CPEB3: variants seen among roughly 807,000 people sequenced by gnomAD.
CPEB3 encodes cytoplasmic polyadenylation element-binding protein 3.
Under a neutral mutation model 67.2 loss-of-function variants are expected in CPEB3, and 20 were observed. The observed-to-expected ratio is 0.30, with a 90% confidence interval of 0.21 to 0.43. The LOEUF (loss-of-function observed/expected upper bound fraction) is 0.43, where lower values mean the gene tolerates loss of function less well. Ranked by LOEUF, CPEB3 falls within the 20% of genes least tolerant of loss-of-function variation. The probability of loss-of-function intolerance (pLI) is 1.00; values close to 1 mark genes in which losing one functional copy is unlikely to be tolerated. For missense variants in CPEB3, 746 were observed against 968.6 expected (o/e 0.77, Z 3.05); for synonymous variants, 376 against 393.1 (o/e 0.96, Z 0.51).
At chr10:92,123,725 C>T (rs902324559) in intron 6 of CPEB3, among the ~76,000 whole-genome samples, 6 of 152,200 alleles carry the variant, frequency 3.9e-5, no homozygotes, top group African/African-American at 1.4e-4. Context: ...ACTGCCTGAG[C>T]TTTGATAGTC....
intron 7 of CPEB3, among the ~76,000 whole-genome samples, chr10:92,101,717 G>C (rs1590139207): frequency 6.6e-6 from 1 of 152,210 alleles, no homozygotes; most frequent in African/African-American, 2.4e-5. Context: ...GACCAGCCTG[G>C]CCAACTTGGT....
intron 2 of CPEB3, among the ~76,000 whole-genome samples, chr10:92,237,288 C>T (rs1367400167): frequency 6.6e-6 from 1 of 152,184 alleles, no homozygotes; most frequent in East Asian, 1.9e-4. Flanking sequence ...ATATGTAATT[C>T]TTCCCAAGGC....
At chr10:92,274,539 G>A (rs983313879) in intron 1 of CPEB3, among the ~76,000 whole-genome samples, 1 of 152,078 alleles carries the variant, frequency 6.6e-6, no homozygotes, top group South Asian at 2.1e-4. Context: ...ACAAGTACTG[G>A]ATAACAAATG....
At chr10:92,291,216 C>T, upstream of CPEB3, 1 of 529,094 alleles carries the variant, frequency 1.9e-6, no homozygotes, top group Admixed American at 3.9e-5. Flanking sequence ...GCCCGCGGTC[C>T]ATGGACCGGA....
chr10:92,247,467 A>G (rs1852120526), intron 1 of CPEB3, among the ~76,000 whole-genome samples: 1 of 151,792 alleles, frequency 6.6e-6, no homozygotes, highest in Non-Finnish European at 1.5e-5. Context: ...GCGCGATCTC[A>G]GCTCACCATG....
At chr10:92,201,132 T>C (rs1194101039) in intron 2 of CPEB3, among the ~76,000 whole-genome samples, 1 of 152,126 alleles carries the variant, frequency 6.6e-6, no homozygotes, top group Non-Finnish European at 1.5e-5. Flanking sequence ...ATTATACAGC[T>C]TAGCAGTGTG....
At chr10:92,117,393 G>C (rs1351542870) in intron 6 of CPEB3, among the ~76,000 whole-genome samples, 3 of 135,256 alleles carry the variant, frequency 2.2e-5, no homozygotes, top group African/African-American at 8.6e-5. Flanking sequence ...GCAGTGGTGT[G>C]ATCTTGGCTC....
chr10:92,060,160 C>T (rs1280382460), intron 9 of CPEB3, among the ~76,000 whole-genome samples: 1 of 151,788 alleles, frequency 6.6e-6, no homozygotes, highest in East Asian at 1.9e-4. Context: ...AATTTGAGAC[C>T]AGCCTGGTCA....
At chr10:92,204,666 A>G (rs1265190601) in intron 2 of CPEB3, among the ~76,000 whole-genome samples, 3 of 152,204 alleles carry the variant, frequency 2.0e-5, no homozygotes, top group African/African-American at 4.8e-5. Context: ...AGTGGAAGGA[A>G]AATGGTAAAA....
At chr10:92,175,611 C>G (rs866326808) in intron 4 of CPEB3, among the ~76,000 whole-genome samples, 5 of 152,268 alleles carry the variant, frequency 3.3e-5, no homozygotes, top group African/African-American at 1.2e-4. Context: ...TATTTAACAA[C>G]TGAGAAAGGC....
intron 6 of CPEB3, chr10:92,136,741 A>G (rs1846117952): frequency 6.6e-6 from 1 of 152,196 alleles, no homozygotes; most frequent in Non-Finnish European, 1.5e-5. Context: ...TTGTATTTTT[A>G]GTAGAGATGG....
At chr10:92,181,194 G>C (rs934877619) in intron 3 of CPEB3, among the ~76,000 whole-genome samples, 175 bp from the exon 4 acceptor site, 3 of 151,328 alleles carry the variant, frequency 2.0e-5, no homozygotes, top group African/African-American at 7.3e-5. Context: ...CACATGAAAA[G>C]TCTTAAAGCC....
intron 9 of CPEB3, among the ~76,000 whole-genome samples, chr10:92,074,278 C>T (rs1037798250): frequency 6.6e-6 from 1 of 152,062 alleles, no homozygotes; most frequent in African/African-American, 2.4e-5. Context: ...CATTCATTCA[C>T]TATAATAACT....
At chr10:92,220,118 G>A (rs1209960342) in intron 2 of CPEB3, among the ~76,000 whole-genome samples, 3 of 151,812 alleles carry the variant, frequency 2.0e-5, no homozygotes, top group Admixed American at 2.0e-4. Context: ...TTGGGCCACT[G>A]CACTCCAGAC....
chr10:92,180,834 C>T, intron 4 of CPEB3, 129 bp downstream of exon 4: 1 of 655,962 alleles, frequency 1.5e-6, no homozygotes, highest in South Asian at 1.6e-5. Context: ...TTGAGAACCA[C>T]TAGTACAGAA....
chr10:92,230,084 AC>A (rs1373477089), intron 2 of CPEB3, among the ~76,000 whole-genome samples: 1 of 152,202 alleles, frequency 6.6e-6, no homozygotes, highest in Non-Finnish European at 1.5e-5. Flanking sequence ...AGAATCCGTC[AC>A]AAAAATGTTA....
chr10:92,084,501 TAAG>T (rs1843291117), intron 8 of CPEB3, among the ~76,000 whole-genome samples: 1 of 152,148 alleles, frequency 6.6e-6, no homozygotes. Context: ...CAAGGTGACT[TAAG>T]AAGAGGTTTT....
chr10:92,117,192 T>G (rs1158953825), intron 6 of CPEB3, among the ~76,000 whole-genome samples: 1 of 150,392 alleles, frequency 6.6e-6, no homozygotes, highest in Non-Finnish European at 1.5e-5. Context: ...CCTGGCAAAT[T>G]TTTGTATTTT....
chr10:92,188,170 T>C (rs1384594501), intron 3 of CPEB3, among the ~76,000 whole-genome samples: 2 of 151,978 alleles, frequency 1.3e-5, no homozygotes, highest in African/African-American at 4.8e-5. Context: ...CACTCCAGCC[T>C]GGGTGAAAGA....
Sources: allele counts gnomAD v4.1 joint callset (sites outside exome capture counted in the v4.1 genomes callset), GRCh38; gene constraint gnomAD v4.1.1; transcripts MANE v1.5; gene names NCBI Gene and HGNC (gene_info 2026-07-23, HGNC 2026-07-21).